PTH2R: variants seen among roughly 807,000 people sequenced by gnomAD.
PTH2R encodes the protein parathyroid hormone 2 receptor.
In PTH2R, 59 loss-of-function variants were observed where a neutral mutation model predicts 60.3. The ratio of observed to expected loss-of-function variants is 0.98; its 90% confidence interval spans 0.79 to 1.22. The LOEUF is 1.22. Ranked by LOEUF, PTH2R falls within the 50% of genes most tolerant of loss-of-function variation. The pLI is 0.00. For missense variants in PTH2R, 749 were observed against 682.6 expected, an observed-to-expected ratio of 1.10 and a Z score of -1.08; for synonymous variants, 256 against 243.8, an observed-to-expected ratio of 1.05 and a Z score of -0.47.
At chr2:208,419,622 C>G (rs945228996) in intron 1 of PTH2R, among the ~76,000 whole-genome samples, 2 of 152,016 alleles carry the variant, frequency 1.3e-5, no homozygotes, top group African/African-American at 4.8e-5. Flanking sequence ...GAATGGTATT[C>G]CCTAGGTTTT....
At chr2:208,436,359 G>T (rs1223068698) in intron 2 of PTH2R, among the ~76,000 whole-genome samples, 1 of 152,150 alleles carries the variant, frequency 6.6e-6, no homozygotes, top group African/African-American at 2.4e-5. Context: ...CTTATGTTTT[G>T]ATAATGCCTG....
At chr2:208,423,970 A>G (rs1272586488) in intron 1 of PTH2R, among the ~76,000 whole-genome samples, 1 of 152,134 alleles carries the variant, frequency 6.6e-6, no homozygotes, top group East Asian at 1.9e-4. Context: ...GTCAGCTATC[A>G]CTGACACCTA....
rs529473423 is a variant in PTH2R, at chr2:208,489,268, G to A, written c.1215+118G>A. The A allele has an allele frequency of 1.3e-5, 17 of 1,288,252 alleles. 3 individuals are homozygous for A. The African/African-American group carries it at 2.4e-4, about 18-fold the overall frequency. 79.8% of individuals were successfully genotyped at this position (1,288,252 alleles called of 1,614,324 possible). ...CTTTGATGCACCTGTCTGGGGAGTT[G>A]GGGGGTGCAGAAAGGTCAATATTTC... is the stretch of plus-strand genomic sequence containing the variant. On this transcript the variant is annotated intron_variant, in intron 11 of 12. Transcript: ENST00000272847.
Position 208,406,839 on chromosome 2 carries a change from G to A in PTH2R, c.-205G>A. On this transcript the variant is annotated 5_prime_UTR_variant, in exon 1 of 13. Coordinates refer to ENST00000272847, the MANE Select transcript of PTH2R (RefSeq NM_005048.4). Reference sequence around the variant, plus strand: ...GAAGACAAGACCAACCTCGCGCCGCGGCGCAGCAGCACGCGGGTTCTGAGA... The same window carrying A: ...GAAGACAAGACCAACCTCGCGCCGCAGCGCAGCAGCACGCGGGTTCTGAGA... 3 of 398,272 alleles carry A rather than the reference G, an allele frequency of 7.5e-6. No homozygotes were observed. 24.7% of individuals were successfully genotyped at this position (398,272 alleles called of 1,614,324 possible). A position where few individuals can be genotyped will look rare whatever the true frequency, so the allele number is the denominator to read the frequency against.
chr2:208,489,055 G>T lies in PTH2R; in HGVS notation c.1120G>T (p.Val374Leu). The change falls in exon 11 of 13, where the codon GTG becomes TTG. Residue 374 changes from valine (V) to leucine (L), a missense_variant. Coordinates refer to ENST00000272847, the MANE Select transcript of PTH2R (RefSeq NM_005048.4). ...STLVLVLVFGVHYIVFVCLPH... is the reference protein window; with the variant it reads ...STLVLVLVFGLHYIVFVCLPH... The stretch of plus-strand genomic sequence containing the variant: ...ACTGGTCCTGGTCCTAGTCTTTGGA[G>T]TGCATTACATCGTGTTCGTATGCCT... 1 of 1,614,114 alleles carries T rather than the reference G, an allele frequency of 6.2e-7. No individual in the cohort carries two copies. Among genetic ancestry groups the T allele is most frequent in the Non-Finnish European group, 8.5e-7 (1 of 1,180,032 alleles).
chr2:208,462,890 C>T (rs1702662141), intron 9 of PTH2R, among the ~76,000 whole-genome samples: 1 of 152,116 alleles, frequency 6.6e-6, no homozygotes, highest in Admixed American at 6.6e-5. Flanking sequence ...GGCTTCTAAG[C>T]CTCACTAAAG....
chr2:208,410,193 C>T (rs1190308279), intron 1 of PTH2R, among the ~76,000 whole-genome samples: 5 of 152,174 alleles, frequency 3.3e-5, no homozygotes, highest in Non-Finnish European at 7.3e-5. Flanking sequence ...AGTAATGCTA[C>T]TTGCCAAGTA....
chr2:208,424,452 A>G (rs1402371602), intron 1 of PTH2R, among the ~76,000 whole-genome samples: 1 of 152,214 alleles, frequency 6.6e-6, no homozygotes, highest in African/African-American at 2.4e-5. Flanking sequence ...ATTATCCAGC[A>G]AATCATGTGT....
chr2:208,421,782 A>G (rs1333484396), intron 1 of PTH2R, among the ~76,000 whole-genome samples: 1 of 152,202 alleles, frequency 6.6e-6, no homozygotes, highest in Admixed American at 6.5e-5. Context: ...CATGGAGTAG[A>G]AAGTTCATAA....
intron 8 of PTH2R, 34 bp from the exon 9 acceptor site, chr2:208,459,861 A>G (rs761510458): frequency 6.2e-7 from 1 of 1,605,396 alleles, no homozygotes; most frequent in South Asian, 1.1e-5. Flanking sequence ...TGCTTTGCCA[A>G]TTTATTCATG....
chr2:208,482,541 A>G (rs1342461862), intron 10 of PTH2R, among the ~76,000 whole-genome samples: 1 of 152,216 alleles, frequency 6.6e-6, no homozygotes, highest in Non-Finnish European at 1.5e-5. Flanking sequence ...TTTACAATAT[A>G]GTGTGTGCAT....
At chr2:208,487,730 G>A (rs946298554) in intron 10 of PTH2R, among the ~76,000 whole-genome samples, 7 of 152,156 alleles carry the variant, frequency 4.6e-5, no homozygotes, top group Admixed American at 1.3e-4. Context: ...TTATCCTAAG[G>A]TTGGACTGGG....
At chr2:208,432,707 G>C (rs1025791306) in intron 2 of PTH2R, among the ~76,000 whole-genome samples, 3 of 152,166 alleles carry the variant, frequency 2.0e-5, no homozygotes, top group African/African-American at 7.2e-5. Context: ...CCAAATACCT[G>C]AGAGCCCCCA....
At chr2:208,480,898 G>A (rs1328892008) in intron 9 of PTH2R, among the ~76,000 whole-genome samples, 172 bp from the exon 10 acceptor site, 2 of 152,172 alleles carry the variant, frequency 1.3e-5, no homozygotes, top group African/African-American at 4.8e-5. Context: ...GTTTTCATGA[G>A]GGTGAATCAA....
chr2:208,420,192 G>A (rs1431357585), intron 1 of PTH2R, among the ~76,000 whole-genome samples: 3 of 151,698 alleles, frequency 2.0e-5, no homozygotes, highest in Admixed American at 6.6e-5. Context: ...GCTAAATGAC[G>A]AGTTAATGGG....
At chr2:208,434,248 G>A (rs1302861601) in intron 2 of PTH2R, among the ~76,000 whole-genome samples, 2 of 151,994 alleles carry the variant, frequency 1.3e-5, no homozygotes, top group Admixed American at 6.6e-5. Flanking sequence ...GGGAGGCGGA[G>A]GTTGCAGTGA....
At chr2:208,488,133 G>A (rs536664501) in intron 10 of PTH2R, among the ~76,000 whole-genome samples, 2 of 152,238 alleles carry the variant, frequency 1.3e-5, no homozygotes, top group South Asian at 2.1e-4. Context: ...GTAGAAAGAG[G>A]CAGTTAAGGA....
rs1701037983 is a variant in PTH2R at position 208,388,135 on chromosome 2, C to CCCA, written c.-259+27900_-259+27901insACC. Among the ~76,000 whole-genome samples the CCCA allele has an allele frequency of 1.3e-5, 2 of 148,368 alleles. 1 individual carries two copies. The highest frequency in any genetic ancestry group is 4.4e-4 in the South Asian group (2 of 4,540). ...CCATTCTGGCTAACATGGTGAAACC[C>CCCA]CCCCCCCCGTCTCTACTAAAAATAC... is the stretch of plus-strand genomic sequence containing the variant. On this transcript the variant is annotated intron_variant, in intron 1 of 12. Transcript: ENST00000617735.
At chr2:208,446,988 G>A (rs1375263891) in intron 7 of PTH2R, among the ~76,000 whole-genome samples, 1 of 152,020 alleles carries the variant, frequency 6.6e-6, no homozygotes, top group African/African-American at 2.4e-5. Context: ...AAATTCCTTT[G>A]TTACTCATTT....
Sources: gnomAD v4.1 joint callset for allele counts (sites outside exome capture counted in the v4.1 genomes callset) on GRCh38, gnomAD v4.1.1 for gene constraint, MANE v1.5 for transcripts, NCBI Gene and HGNC (gene_info 2026-07-23, HGNC 2026-07-21) for gene names.